DNAH17: variants seen among roughly 807,000 people sequenced by gnomAD.
The protein encoded by DNAH17 is axonemal beta dynein heavy chain 17.
In DNAH17, 376 loss-of-function variants were observed where a neutral mutation model predicts 485.6. The observed-to-expected ratio is 0.77, with a 90% CI of 0.71 to 0.84. The LOEUF is 0.84. Among genes scored for constraint, DNAH17 ranks in the 40% least tolerant of loss-of-function variants. The pLI is 0.00. For synonymous variants in DNAH17, 3,031 were observed against 2,405.9 expected (o/e 1.26, Z -7.60); for missense variants, 6,370 against 5,839.3 (o/e 1.09, Z -2.96).
In DNAH17 at chr17:78,570,941, T is replaced by C; in HGVS notation, c.918+7A>G. On this transcript the variant is annotated splice_region_variant and intron_variant, in intron 6 of 80. Transcript: ENST00000389840. ...CCACCAAAGCCGGCTCTCCCTTGCC[T>C]GCGCACCATCGTGAAGTCGGCTTGT... The C allele has an allele frequency of 1.3e-6, 2 of 1,578,816 alleles. No individual in the cohort carries two copies. Among genetic ancestry groups the C allele is most frequent in the Non-Finnish European group, 1.7e-6 (2 of 1,162,262 alleles).
At chr17:78,445,903 C>G (rs918512457) in intron 69 of DNAH17, among the ~76,000 whole-genome samples, 1 of 152,090 alleles carries the variant, frequency 6.6e-6, no homozygotes, top group Non-Finnish European at 1.5e-5. Context: ...GGCACAGTGA[C>G]TCACGCCTGT....
chr17:78,572,815 A>G lies in DNAH17; in HGVS notation c.425T>C (p.Val142Ala). The G allele has an allele frequency of 6.2e-7, 1 of 1,613,910 alleles. No homozygotes were observed. Among genetic ancestry groups the G allele is most frequent in the Non-Finnish European group, 8.5e-7 (1 of 1,179,860 alleles). Residue 142 changes from valine to alanine, a missense_variant, in exon 3 of 81, where the codon GTC becomes GCC. By Grantham distance (64) the Val-to-Ala change is moderately conservative. Coordinates refer to ENST00000389840, the MANE Select transcript of DNAH17 (RefSeq NM_173628.4). The part of the protein sequence containing the change: ...QVVSEDIVKQ[V>A]HRLKNEMFVM... ...AAACATTTCATTCTTCAGCCTGTGG[A>G]CCTGCTTCACGATGTCTTCCGAGAC...
rs767952904 is a variant in DNAH17, at chr17:78,476,833, G to A, written c.7993-100C>T. On this transcript the variant is annotated intron_variant, in intron 51 of 80. Transcript: ENST00000389840. ...GAGGAGCAGCCCCCTCCCCCGGGGC[G>A]AGGGGACCTGTTCAGCTGTTGGCAC... 8.0e-6 allele frequency: 11 copies of A among 1,377,756 alleles called. No homozygotes were observed. The Admixed American group carries it at 1.5e-4, about 19-fold the overall frequency. 85.3% of individuals were successfully genotyped at this position (1,377,756 alleles called of 1,614,324 possible). A position where few individuals can be genotyped will look rare whatever the true frequency, so the allele number is the denominator to read the frequency against.
chr17:78,572,606 C>G (rs533373358), intron 3 of DNAH17, 95 bp downstream of exon 3: 11 of 1,115,506 alleles, frequency 9.9e-6, no homozygotes, highest in Admixed American at 3.2e-5. Context: ...AGGGAAACAA[C>G]GGGTCGGAGT....
intron 25 of DNAH17, among the ~76,000 whole-genome samples, chr17:78,515,346 TAAAAATAC>T (rs967928712): frequency 6.6e-6 from 1 of 152,004 alleles, no homozygotes; most frequent in Non-Finnish European, 1.5e-5. Flanking sequence ...CCGTCTGTAC[TAAAAATAC>T]AAAAATTAGC....
intron 3 of DNAH17, among the ~76,000 whole-genome samples, chr17:78,572,180 G>A (rs971303967): frequency 3.3e-5 from 5 of 152,162 alleles, no homozygotes; most frequent in African/African-American, 7.2e-5. Flanking sequence ...TAATTGTCAC[G>A]GGGGTCTCAC....
At chr17:78,569,274 TGAG>T (rs2092315352) in intron 8 of DNAH17, 22 bp from the exon 9 acceptor site, 1 of 1,597,552 alleles carries the variant, frequency 6.3e-7, no homozygotes. Flanking sequence ...GAAAGAGAGA[TGAG>T]GCCACGTTTG....
At chr17:78,468,135 TAACC>T (rs1156487446) in intron 55 of DNAH17, among the ~76,000 whole-genome samples, 1 of 150,098 alleles carries the variant, frequency 6.7e-6, no homozygotes, top group Non-Finnish European at 1.5e-5. Context: ...TCTGTGGATT[TAACC>T]AACCATGGAC....
intron 25 of DNAH17, 56 bp from the exon 26 acceptor site, chr17:78,515,078 G>A (rs2090746142): frequency 1.9e-6 from 3 of 1,598,138 alleles, no homozygotes; most frequent in Non-Finnish European, 2.6e-6. Flanking sequence ...AATTCAGGAA[G>A]AAAACCCTCT....
intron 25 of DNAH17, chr17:78,522,578 G>A (rs1227877715): frequency 1.1e-5 from 3 of 284,400 alleles, no homozygotes; most frequent in East Asian, 1.4e-4. Flanking sequence ...CCCAACGCAG[G>A]CAGCCACTGG....
intron 75 of DNAH17, among the ~76,000 whole-genome samples, chr17:78,432,912 C>CCCCCCG (rs1555650529): frequency 7.7e-6 from 1 of 129,948 alleles, no homozygotes; most frequent in African/African-American, 3.1e-5. Flanking sequence ...GCCCCCCCCC[C>CCCCCCG]CCGACCCCGG....
chr17:78,444,913 C>G, intron 70 of DNAH17, 116 bp from the exon 71 acceptor site: 1 of 1,094,040 alleles, frequency 9.1e-7, no homozygotes, highest in Admixed American at 3.3e-5. Flanking sequence ...AACCGGGGCT[C>G]TGGGATAAGG....
intron 21 of DNAH17, 113 bp from the exon 22 acceptor site, chr17:78,529,807 G>A: frequency 9.1e-7 from 1 of 1,101,838 alleles, no homozygotes; most frequent in Non-Finnish European, 1.3e-6. Context: ...GGCCATCACT[G>A]AAGGCCCCAG....
rs781052614 is a variant in DNAH17, at chr17:78,525,169, C to T, written c.3712-8G>A. 6.8e-6 allele frequency: 11 copies of T among 1,610,762 alleles called. No homozygotes were observed. The highest frequency in any genetic ancestry group is 6.7e-5 in the East Asian group (3 of 44,818). On this transcript the variant is annotated splice_polypyrimidine_tract_variant and splice_region_variant and intron_variant, in intron 24 of 80. Coordinates refer to ENST00000389840, the MANE Select transcript of DNAH17 (RefSeq NM_173628.4). ...GGAGATGCTCTTTTGTTGCTAGGGG[C>T]GGCGAGGGGGCCGTCAGTAGGGCTA...
rs1242024479 is a variant in DNAH17, at chr17:78,570,349, C to A, written c.942G>T (p.Val314=). 1 of 1,610,654 alleles carries A rather than the reference C, an allele frequency of 6.2e-7. No individual in the cohort carries two copies. Among genetic ancestry groups the A allele is most frequent in the Non-Finnish European group, 8.5e-7 (1 of 1,178,812 alleles). ...FTMLPTFIAK[V]LDTICFIWAT... is the part of the protein sequence containing the mutation. ...CCCAGATGAAGCAGATGGTGTCCAG[C>A]ACCTTGGCAATGAAGGTGGGGAGCT... Residue 314 remains valine, a synonymous_variant, in exon 7 of 81, where the codon GTG becomes GTT. Coordinates refer to ENST00000389840, the MANE Select transcript of DNAH17 (RefSeq NM_173628.4).
At position 78,566,832 on chromosome 17, in the gene DNAH17, G is replaced by A. The variant is rs375947289; in HGVS notation, c.1453-102C>T. On this transcript the variant is annotated intron_variant, in intron 10 of 80. Transcript: ENST00000389840. The stretch of plus-strand genomic sequence containing the variant: ...TGCTGAGAGGACTCGGGACTGAGGC[G>A]CAGCTGAATGTGCTGTTGCGGGGAC... 364 of 1,294,998 alleles carry A rather than the reference G, an allele frequency of 2.8e-4. 1 individual carries two copies. The African/African-American group carries it at 4.3e-3, about 15-fold the overall frequency. The allele number at this position is 1,294,998 out of a possible 1,614,324, so 80.2% of individuals were successfully genotyped here. A position where few individuals can be genotyped will look rare whatever the true frequency, so the allele number is the denominator to read the frequency against.
Position 78,424,118 on chromosome 17 carries a change from C to A in DNAH17, c.13177G>T (p.Glu4393Ter). The A allele has an allele frequency of 6.2e-7, 1 of 1,613,516 alleles. No individual in the cohort carries two copies. ...GGGGTCAGCTCTTTCAGCCGCGCTTCAGCGATGACTCCAGTCTGGGTGTCC... is the reference window on the plus strand; with the variant it reads ...GGGGTCAGCTCTTTCAGCCGCGCTTAAGCGATGACTCCAGTCTGGGTGTCC... ...RWDTQTGVIA[E>*]ARLKELTPAM... Residue 4393 changes from glutamate (E) to a stop codon, truncating the protein, a stop_gained, in exon 81 of 81, where the codon GAA becomes TAA. Coordinates refer to ENST00000389840, the MANE Select transcript of DNAH17 (RefSeq NM_173628.4). LOFTEE classifies it high-confidence loss of function.
At chr17:78,546,212 C>A (rs1598698770) in intron 16 of DNAH17, among the ~76,000 whole-genome samples, 1 of 152,176 alleles carries the variant, frequency 6.6e-6, no homozygotes, top group Admixed American at 6.5e-5. Flanking sequence ...AGGCATGAGC[C>A]ATTGAGCTCG....
At chr17:78,472,049 G>A (rs1047406030) in intron 54 of DNAH17, among the ~76,000 whole-genome samples, 1 of 152,174 alleles carries the variant, frequency 6.6e-6, no homozygotes, top group African/African-American at 2.4e-5. Flanking sequence ...GTCAGCCAAG[G>A]ACGGCAATCG....
Sources: gnomAD v4.1 joint callset for allele counts (sites outside exome capture counted in the v4.1 genomes callset) on GRCh38, gnomAD v4.1.1 for gene constraint, MANE v1.5 for transcripts, NCBI Gene and HGNC (gene_info 2026-07-23, HGNC 2026-07-21) for gene names.